Variants in DZIP3 observed in about 807,000 individuals in gnomAD.
The protein encoded by DZIP3 is DAZ interacting zinc finger protein 3.
A neutral mutation model predicts 162.0 loss-of-function variants in DZIP3; 118 were observed. The ratio of observed to expected loss-of-function variants is 0.73; its 90% CI spans 0.63 to 0.85. DZIP3 has a LOEUF of 0.85. Among genes scored for constraint, DZIP3 ranks in the 40% least tolerant of loss-of-function variants. The pLI is 0.00. For missense variants in DZIP3, 1,331 were observed against 1,407.0 expected, an observed-to-expected ratio of 0.95 and a Z score of 0.86; for synonymous variants, 438 against 458.6, an observed-to-expected ratio of 0.96 and a Z score of 0.57.
Position 108,689,051 on chromosome 3 carries a change from G to A in DZIP3, c.3516+127G>A, listed in dbSNP as rs1944596990. 4 of 883,282 alleles carry A rather than the reference G, an allele frequency of 4.5e-6. No individual in the cohort carries two copies. In the East Asian group the frequency reaches 7.9e-5, roughly 18 times the overall value. 54.7% of individuals were successfully genotyped at this position (883,282 alleles called of 1,614,324 possible). A position where few individuals can be genotyped will look rare whatever the true frequency, so the allele number is the denominator to read the frequency against. On this transcript the variant is annotated intron_variant, in intron 31 of 32. Coordinates refer to ENST00000361582, the MANE Select transcript of DZIP3 (RefSeq NM_014648.4). ...CACTGGATATAACTCTGAGCTTTTGGGTACCACACAGAAACATTTATGCTT... is the reference window on the plus strand; with the variant it reads ...CACTGGATATAACTCTGAGCTTTTGAGTACCACACAGAAACATTTATGCTT...
intron 4 of DZIP3, among the ~76,000 whole-genome samples, chr3:108,615,074 C>CA (rs1052305111): frequency 4.1e-4 from 63 of 152,154 alleles, no homozygotes; most frequent in African/African-American, 1.4e-3. Flanking sequence ...AATTTTCCCC[C>CA]AAGCCTTGCA....
intron 21 of DZIP3, among the ~76,000 whole-genome samples, chr3:108,669,056 CTTAGTTTCTT>C (rs1009926365): frequency 2.2e-4 from 34 of 151,952 alleles, no homozygotes; most frequent in African/African-American, 8.0e-4. Context: ...ATGCGTTTCT[CTTAGTTTCTT>C]ACATATTAAT....
chr3:108,609,611 C>T (rs1940584766), intron 3 of DZIP3, among the ~76,000 whole-genome samples: 1 of 152,066 alleles, frequency 6.6e-6, no homozygotes, highest in Non-Finnish European at 1.5e-5. Flanking sequence ...CTAATGTGGG[C>T]GGATTGATTG....
At chr3:108,672,003 C>T (rs960464115) in intron 22 of DZIP3, among the ~76,000 whole-genome samples, 3 of 151,910 alleles carry the variant, frequency 2.0e-5, no homozygotes, top group African/African-American at 7.2e-5. Context: ...AGTCCAAGAT[C>T]AAGGTAGCAG....
At chr3:108,597,108 G>A (rs1939752847) in intron 1 of DZIP3, among the ~76,000 whole-genome samples, 1 of 152,152 alleles carries the variant, frequency 6.6e-6, no homozygotes, top group African/African-American at 2.4e-5. Context: ...TTGTCACAAA[G>A]CCAGAAAATC....
At chr3:108,659,136 G>C (rs140144088) in intron 19 of DZIP3, among the ~76,000 whole-genome samples, 2,886 of 152,216 alleles carry the variant, frequency 0.019, 98 homozygotes, top group African/African-American at 0.066. Context: ...TCCCTAACTT[G>C]TTTTATGAGG....
intron 31 of DZIP3, among the ~76,000 whole-genome samples, chr3:108,689,850 C>G (rs1235264378): frequency 1.3e-5 from 2 of 152,118 alleles, no homozygotes; most frequent in Non-Finnish European, 2.9e-5. Context: ...AAAAGGTAGT[C>G]ATAGTAAAGA....
intron 21 of DZIP3, among the ~76,000 whole-genome samples, chr3:108,668,445 T>C (rs1943772796): frequency 6.6e-6 from 1 of 152,042 alleles, no homozygotes; most frequent in South Asian, 2.1e-4. Context: ...CCTTATCCTC[T>C]GTTGTTTAAG....
chr3:108,609,156 C>T lies in DZIP3; in HGVS notation c.102+998C>T, dbSNP rs544113820. Among the ~76,000 whole-genome samples the T allele has an allele frequency of 2.0e-5, 3 of 152,270 alleles. No homozygotes were observed. The South Asian group carries it at 6.2e-4, about 32-fold the overall frequency. On this transcript the variant is annotated intron_variant, in intron 3 of 32. Transcript: ENST00000361582. ...TCCAATCACCTCCTACCAGGTCCCT[C>T]CTCTAACACTAGGAATTACAATTCA...
chr3:108,679,495 C>T (rs1445341442), intron 26 of DZIP3, among the ~76,000 whole-genome samples: 1 of 152,024 alleles, frequency 6.6e-6, no homozygotes, highest in Non-Finnish European at 1.5e-5. Flanking sequence ...TTTGTGCTTC[C>T]TAATTAGGGT....
chr3:108,688,511 A>C, intron 29 of DZIP3, 82 bp from the exon 30 acceptor site: 653 of 1,430,428 alleles, frequency 4.6e-4, no homozygotes, highest in Non-Finnish European at 5.6e-4. Context: ...AGTTCTTACT[A>C]TACCCCGTTC....
intron 7 of DZIP3, among the ~76,000 whole-genome samples, chr3:108,627,342 G>T (rs1000260573): frequency 3.9e-5 from 6 of 152,126 alleles, no homozygotes; most frequent in Non-Finnish European, 8.8e-5. Flanking sequence ...GGCCTATAGA[G>T]GACAACCACC....
intron 10 of DZIP3, among the ~76,000 whole-genome samples, chr3:108,636,159 G>A (rs1465665399): frequency 6.6e-6 from 1 of 151,768 alleles, no homozygotes; most frequent in Admixed American, 6.6e-5. Context: ...GATTGTAGGG[G>A]CAATTAATAT....
chr3:108,590,901 A>C (rs982567663), intron 1 of DZIP3, among the ~76,000 whole-genome samples: 2 of 152,226 alleles, frequency 1.3e-5, no homozygotes, highest in Non-Finnish European at 2.9e-5. Context: ...ACTTTTCTAG[A>C]CACAATAGAC....
chr3:108,602,787 G>C (rs1054540942), intron 1 of DZIP3: 3 of 152,186 alleles, frequency 2.0e-5, no homozygotes, highest in Non-Finnish European at 4.4e-5. Flanking sequence ...AGGCTGTAAA[G>C]TGCTACTGCT....
chr3:108,619,531 G>GTA (rs748449770), intron 5 of DZIP3, among the ~76,000 whole-genome samples: 68 of 152,004 alleles, frequency 4.5e-4, no homozygotes, highest in Non-Finnish European at 3.8e-4. Context: ...TAAGAACCAG[G>GTA]TATAAATCCA....
chr3:108,649,196 A>G (rs1329258587), intron 17 of DZIP3, among the ~76,000 whole-genome samples: 2 of 151,908 alleles, frequency 1.3e-5, no homozygotes, highest in South Asian at 2.1e-4. Context: ...ATTTGCATAT[A>G]TAAATATAGA....
At chr3:108,616,932 T>C (rs1409051394) in intron 5 of DZIP3, among the ~76,000 whole-genome samples, 1 of 152,178 alleles carries the variant, frequency 6.6e-6, no homozygotes, top group East Asian at 1.9e-4. Flanking sequence ...ATTGTTCATC[T>C]TAAGAGAAAC....
chr3:108,690,979 G>A, intron 32 of DZIP3, 76 bp downstream of exon 32: 1 of 1,251,962 alleles, frequency 8.0e-7, no homozygotes, highest in South Asian at 1.3e-5. Flanking sequence ...AAAACTATGT[G>A]CTCTTCAATA....
Sources: gnomAD v4.1 joint callset for allele counts (sites outside exome capture counted in the v4.1 genomes callset) on GRCh38, gnomAD v4.1.1 for gene constraint, MANE v1.5 for transcripts, NCBI Gene and HGNC (gene_info 2026-07-23, HGNC 2026-07-21) for gene names.